Variants in PDS5A observed in about 807,000 individuals in gnomAD.
The protein encoded by PDS5A is sister chromatid cohesion protein PDS5 homolog A.
A neutral mutation model predicts 167.1 loss-of-function variants in PDS5A; 42 were observed. That is an observed-to-expected ratio of 0.25 (90% CI 0.20 to 0.33). PDS5A has a LOEUF of 0.33. PDS5A is among the 10% of genes least tolerant of loss of function. The pLI is 1.00. For synonymous variants in PDS5A, 553 were observed against 554.6 expected (o/e 1.00, Z 0.04); for missense variants, 1,033 against 1,605.9 (o/e 0.64, Z 6.10).
chr4:39,895,047 G>A (rs1272889929), intron 16 of PDS5A, among the ~76,000 whole-genome samples: 4 of 151,942 alleles, frequency 2.6e-5, no homozygotes, highest in Non-Finnish European at 5.9e-5. Flanking sequence ...CTAACATGGT[G>A]AAACCGCGTC....
chr4:39,950,638 G>A (rs1365727647), intron 2 of PDS5A, among the ~76,000 whole-genome samples: 1 of 152,112 alleles, frequency 6.6e-6, no homozygotes, highest in Non-Finnish European at 1.5e-5. Context: ...AGACTGGAGT[G>A]CAGTGGCACC....
chr4:39,892,539 C>G (rs920458341), intron 16 of PDS5A, among the ~76,000 whole-genome samples: 1 of 152,204 alleles, frequency 6.6e-6, no homozygotes, highest in Non-Finnish European at 1.5e-5. Context: ...CCTATTTCCA[C>G]CCCTGCCTGG....
chr4:39,922,476 G>T (rs745373724), intron 6 of PDS5A, 146 bp downstream of exon 6: 3 of 594,920 alleles, frequency 5.0e-6, no homozygotes, highest in Non-Finnish European at 7.8e-6. Flanking sequence ...ATAGCCACAA[G>T]ACTAATGCAT....
chr4:39,921,586 A>G (rs113222768), intron 6 of PDS5A, among the ~76,000 whole-genome samples: 3,339 of 146,580 alleles, frequency 0.023, 82 homozygotes, highest in African/African-American at 0.079. Context: ...GAAAACTTAA[A>G]AAAAAAAAAA....
chr4:39,913,295 T>C (rs2109690572), intron 9 of PDS5A, among the ~76,000 whole-genome samples: 1 of 152,190 alleles, frequency 6.6e-6, no homozygotes, highest in African/African-American at 2.4e-5. Flanking sequence ...CAGGCTGGTC[T>C]CCTGAACTCC....
rs58913167 is a variant in PDS5A at position 39,831,875 on chromosome 4, CAAAAAAAA to C, written c.4010+5973_4010+5980del. Among the ~76,000 whole-genome samples, 174 of 25,930 alleles carry C rather than the reference CAAAAAAAA, an allele frequency of 6.7e-3. 2 individuals carry two copies. In the Admixed American group the frequency reaches 0.1, roughly 15 times the overall value. 17.0% of individuals were successfully genotyped at this position (25,930 alleles called of 152,430 possible). A position where few individuals can be genotyped will look rare whatever the true frequency, so the allele number is the denominator to read the frequency against. ...TAGGCAACAAGAGCGAAACTCGTCT[CAAAAAAAA>C]AAAAAAAAAAAAAAAAAAAAAGAAT... On this transcript the variant is annotated intron_variant, in intron 32 of 32. Transcript: ENST00000303538.
In PDS5A at chr4:39,850,306, C is replaced by T. The variant is rs534496776; in HGVS notation, c.3087-654G>A. Reference sequence around the variant, plus strand: ...AAAAAAAGAAATTCGAGACTAGCCTCGTGAGACCCCATCTCTACAAAAAAA... The same window carrying T: ...AAAAAAAGAAATTCGAGACTAGCCTTGTGAGACCCCATCTCTACAAAAAAA... On this transcript the variant is annotated intron_variant, in intron 26 of 32. Transcript: ENST00000303538. Among the ~76,000 whole-genome samples the T allele has an allele frequency of 1.8e-4, 27 of 150,598 alleles. No individual in the cohort carries two copies. In the East Asian group the frequency reaches 3.1e-3, roughly 17 times the overall value.
At chr4:39,876,526 A>C (rs760413213) in intron 19 of PDS5A, among the ~76,000 whole-genome samples, 18 of 152,350 alleles carry the variant, frequency 1.2e-4, no homozygotes, top group Non-Finnish European at 2.4e-4. Context: ...TGTCTTCTGC[A>C]TATTTTAAGT....
chr4:39,828,787 G>C (rs1395456795), intron 32 of PDS5A, among the ~76,000 whole-genome samples: 1 of 152,206 alleles, frequency 6.6e-6, no homozygotes, highest in East Asian at 1.9e-4. Flanking sequence ...GATGACTGGG[G>C]TGAGGTTAAG....
At position 39,863,042 on chromosome 4, in the gene PDS5A, G is replaced by A; in HGVS notation, c.2798C>T (p.Ala933Val). Residue 933 changes from alanine to valine, a missense_variant, in exon 25 of 33, where the codon GCT becomes GTT. Transcript: ENST00000303538. ...DECYQVRQIF[A>V]QKLHKALVKL... is the part of the protein sequence containing the mutation. ...CACAAGTGCCTTATGCAGCTTCTGAGCAAATATCTGCCTTACTTGGTAACA... is the reference window on the plus strand; with the variant it reads ...CACAAGTGCCTTATGCAGCTTCTGAACAAATATCTGCCTTACTTGGTAACA... The A allele has an allele frequency of 6.2e-7, 1 of 1,613,430 alleles. No homozygotes were observed. Among genetic ancestry groups the A allele is most frequent in the Non-Finnish European group, 8.5e-7 (1 of 1,179,554 alleles).
intron 26 of PDS5A, among the ~76,000 whole-genome samples, chr4:39,857,274 C>T (rs1209920818): frequency 6.6e-6 from 1 of 151,416 alleles, no homozygotes; most frequent in Non-Finnish European, 1.5e-5. Context: ...ATGGCGTGAA[C>T]CCGGGAGGCG....
chr4:39,833,974 C>G (rs1364331583), intron 32 of PDS5A, among the ~76,000 whole-genome samples: 2 of 152,178 alleles, frequency 1.3e-5, no homozygotes, highest in Non-Finnish European at 2.9e-5. Context: ...CAAGTACGAT[C>G]AAGATCCTGA....
At chr4:39,841,453 A>G (rs1240919401) in intron 31 of PDS5A, among the ~76,000 whole-genome samples, 1 of 152,146 alleles carries the variant, frequency 6.6e-6, no homozygotes, top group Non-Finnish European at 1.5e-5. Context: ...CCTATTCTTT[A>G]AAAGAGTTGA....
At position 39,837,862 on chromosome 4, in the gene PDS5A, A is replaced by G. The variant is rs1472762958; in HGVS notation, c.4004T>C (p.Leu1335Ser). The G allele has an allele frequency of 6.2e-7, 1 of 1,606,198 alleles. No individual in the cohort carries two copies. Among genetic ancestry groups the G allele is most frequent in the Non-Finnish European group, 8.5e-7 (1 of 1,176,420 alleles). The change falls in exon 32 of 33, where the codon TTA (leucine) becomes TCA (serine). Residue 1335 changes from leucine (L) to serine (S), a missense_variant. Transcript: ENST00000303538. ...GAAGAATGGCGTACATTACCTTTGT[A>G]AGTCAATTTGTCTTTCTGCTGGTGC... is the stretch of plus-strand genomic sequence containing the variant. ...KAAPAERQID[L>S]QR
At chr4:39,922,601 A>C in intron 6 of PDS5A, 21 bp downstream of exon 6, 1 of 1,523,008 alleles carries the variant, frequency 6.6e-7, no homozygotes. Flanking sequence ...TTAACCTTGA[A>C]TATCTTCATA....
At chr4:39,917,574 A>AT (rs574568859) in intron 7 of PDS5A, among the ~76,000 whole-genome samples, 17 of 149,784 alleles carry the variant, frequency 1.1e-4, no homozygotes, top group African/African-American at 1.7e-4. Flanking sequence ...TCAATCTTTG[A>AT]TTTTTTTTTT....
chr4:39,954,165 G>A (rs544324489), intron 2 of PDS5A, among the ~76,000 whole-genome samples: 41 of 151,114 alleles, frequency 2.7e-4, no homozygotes, highest in African/African-American at 9.9e-4. Flanking sequence ...ACATAGTGAG[G>A]CTCTATCTCT....
At chr4:39,968,056 ATAAC>A (rs1730153207) in intron 2 of PDS5A, among the ~76,000 whole-genome samples, 1 of 152,246 alleles carries the variant, frequency 6.6e-6, no homozygotes, top group Non-Finnish European at 1.5e-5. Context: ...GATATACTAC[ATAAC>A]TAACTTAATT....
intron 5 of PDS5A, among the ~76,000 whole-genome samples, chr4:39,925,036 C>T (rs559588671): frequency 3.3e-5 from 5 of 152,166 alleles, no homozygotes; most frequent in East Asian, 3.9e-4. Flanking sequence ...TGCTTGAACC[C>T]GGGAGGTGGA....
Sources: gnomAD v4.1 joint callset for allele counts (sites outside exome capture counted in the v4.1 genomes callset) on GRCh38, gnomAD v4.1.1 for gene constraint, MANE v1.5 for transcripts, NCBI Gene and HGNC (gene_info 2026-07-23, HGNC 2026-07-21) for gene names.